USB1: variants seen among roughly 807,000 people sequenced by gnomAD.
The protein encoded by USB1 is U6 snRNA biogenesis phosphodiesterase 1.
USB1 carries 21 observed loss-of-function variants against 29.9 expected under a neutral mutation model. That is an observed-to-expected ratio of 0.70 (90% confidence interval 0.50 to 1.01). The LOEUF is 1.01. Among genes scored for constraint, USB1 ranks in the 50% least tolerant of loss-of-function variants. The probability of loss-of-function intolerance (pLI) is 0.00; values close to 1 mark genes in which losing one functional copy is unlikely to be tolerated. For missense variants in USB1, 330 were observed against 347.1 expected, an observed-to-expected ratio of 0.95 and a Z score of 0.39; for synonymous variants, 143 against 134.9, an observed-to-expected ratio of 1.06 and a Z score of -0.42.
In USB1 at chr16:58,013,250, C is replaced by G; in HGVS notation, c.450-1023C>G. The stretch of plus-strand genomic sequence containing the variant: ...AGGAGTTTTGGTTGGGCACAGACAT[C>G]CAGTGTCCACTCCAGGATGTTTGGG... On this transcript the variant is annotated intron_variant, in intron 3 of 6. Coordinates refer to ENST00000219281, the MANE Select transcript of USB1 (RefSeq NM_024598.4). This position sits in a 1 kb window ranked among gnomAD's most constrained non-coding sequence, Gnocchi z 4.3. 1 of 985,444 alleles carries G rather than the reference C, an allele frequency of 1.0e-6. No individual in the cohort carries two copies. The allele number at this position is 985,444 out of a possible 1,614,324, so 61.0% of individuals were successfully genotyped here. A position where few individuals can be genotyped will look rare whatever the true frequency, so the allele number is the denominator to read the frequency against.
At chr16:58,009,064 T>C (rs1847619706) in intron 2 of USB1, among the ~76,000 whole-genome samples, 2 of 152,362 alleles carry the variant, frequency 1.3e-5, no homozygotes, top group South Asian at 4.1e-4. Context: ...TTACTATTTT[T>C]CTTCAGATTG....
At chr16:58,017,222 T>G in intron 4 of USB1, 112 bp from the exon 5 acceptor site, 1 of 903,982 alleles carries the variant, frequency 1.1e-6, no homozygotes, top group Non-Finnish European at 1.9e-6. Context: ...AGGGAGACGG[T>G]GAGACCCACG....
chr16:58,009,586 G>A (rs922478288), intron 2 of USB1, among the ~76,000 whole-genome samples: 3 of 151,688 alleles, frequency 2.0e-5, no homozygotes, highest in African/African-American at 4.8e-5. Context: ...TTATCCAGGC[G>A]TGGTGGCGGG....
chr16:58,004,491 G>A (rs990118660), intron 2 of USB1, among the ~76,000 whole-genome samples: 3 of 152,064 alleles, frequency 2.0e-5, no homozygotes, highest in Non-Finnish European at 2.9e-5. Flanking sequence ...TATTGCCCAA[G>A]CTGGTCTTGA....
At chr16:58,009,886 T>C (rs1157870796) in intron 2 of USB1, 43 bp from the exon 3 acceptor site, 16 of 1,611,952 alleles carry the variant, frequency 9.9e-6, no homozygotes, top group Admixed American at 3.3e-5. Context: ...CCATGGCACC[T>C]TGGCTGAGAG....
At chr16:58,009,594 G>A (rs899928460) in intron 2 of USB1, among the ~76,000 whole-genome samples, 5 of 151,602 alleles carry the variant, frequency 3.3e-5, no homozygotes, top group South Asian at 2.1e-4. Flanking sequence ...GCGTGGTGGC[G>A]GGCGCCCGTA....
intron 3 of USB1, chr16:58,010,670 A>G: frequency 3.6e-6 from 1 of 280,400 alleles, no homozygotes; most frequent in Non-Finnish European, 6.8e-6. Context: ...GAATTCAGGC[A>G]AACAGTCCAC....
Position 58,013,604 on chromosome 16 carries a change from G to C in USB1, c.450-669G>C. 1 of 158,264 alleles carries C rather than the reference G, an allele frequency of 6.3e-6. No homozygotes were observed. Among genetic ancestry groups the C allele is most frequent in the Non-Finnish European group, 1.2e-5 (1 of 80,216 alleles). The allele number at this position is 158,264 out of a possible 1,614,324, so 9.8% of individuals were successfully genotyped here. A position where few individuals can be genotyped will look rare whatever the true frequency, so the allele number is the denominator to read the frequency against. ...TCTTCCCGTGTTATTGATCTGAGGG[G>C]TGGGTGGGTGGGGGCATCTGTCTCG... is the stretch of plus-strand genomic sequence containing the variant. On this transcript the variant is annotated intron_variant, in intron 3 of 6. Coordinates refer to ENST00000219281, the MANE Select transcript of USB1 (RefSeq NM_024598.4). The surrounding 1 kb of genome is among the most constrained non-coding windows in gnomAD (Gnocchi z 4.3).
At chr16:58,004,190 T>G (rs990350395) in intron 2 of USB1, among the ~76,000 whole-genome samples, 1 of 152,334 alleles carries the variant, frequency 6.6e-6, no homozygotes, top group East Asian at 1.9e-4. Context: ...TCCAGCACCA[T>G]TGGTTGAAAA....
upstream of USB1, chr16:57,999,794 T>G (rs747993165): frequency 2.0e-5 from 3 of 152,356 alleles, no homozygotes; most frequent in Non-Finnish European, 4.4e-5. Context: ...CAGGTACCAC[T>G]CTAAGCCTTC....
At chr16:58,002,419 T>C (rs2142290806) in intron 1 of USB1, 60 bp from the exon 2 acceptor site, 1 of 1,606,826 alleles carries the variant, frequency 6.2e-7, no homozygotes, top group Non-Finnish European at 8.5e-7. Context: ...TTGTGGTATA[T>C]ACAAAGGTAG....
intron 6 of USB1, among the ~76,000 whole-genome samples, chr16:58,019,599 C>G (rs766677686): frequency 6.6e-6 from 1 of 151,740 alleles, no homozygotes; most frequent in Non-Finnish European, 1.5e-5. Flanking sequence ...GGCTGATACT[C>G]CAGCCCTGGT....
Position 58,019,001 on chromosome 16 carries a change from G to C in USB1, c.639G>C (p.Trp213Cys), listed in dbSNP as rs750851175. 7 of 1,614,074 alleles carry C rather than the reference G, an allele frequency of 4.3e-6. No homozygotes were observed. The Admixed American group carries it at 1.2e-4, about 27-fold the overall frequency. Reference protein sequence around the residue: ...QDPSFHLSLAWCVGDARLQLE... With the variant: ...QDPSFHLSLACCVGDARLQLE... ...CTTCTTTCCACCTCAGCCTGGCCTG[G>C]TGTGTGGGTGATGCACGTCTCCAGC... Residue 213 changes from tryptophan to cysteine, a missense_variant, in exon 6 of 7, where the codon TGG (tryptophan) becomes TGC (cysteine). Coordinates refer to ENST00000219281, the MANE Select transcript of USB1 (RefSeq NM_024598.4).
chr16:58,019,119 A>T, intron 6 of USB1, 64 bp downstream of exon 6: 1 of 1,556,470 alleles, frequency 6.4e-7, no homozygotes, highest in Non-Finnish European at 8.8e-7. Context: ...CAGATGCTGG[A>T]GAGGGGGAGG....
At chr16:58,007,994 A>G (rs953886945) in intron 2 of USB1, among the ~76,000 whole-genome samples, 2 of 152,102 alleles carry the variant, frequency 1.3e-5, no homozygotes, top group African/African-American at 4.8e-5. Flanking sequence ...AAAAAAAAAT[A>G]ATAATAATTC....
intron 2 of USB1, among the ~76,000 whole-genome samples, chr16:58,005,392 T>C (rs8046565): frequency 0.81 from 122,577 of 152,042 alleles, 50,227 homozygotes; most frequent in African/African-American, 0.93. Flanking sequence ...CACTTGGCAA[T>C]GGGCATCTTC....
chr16:58,010,873 T>C (rs1324244719), intron 3 of USB1: 1 of 638,790 alleles, frequency 1.6e-6, no homozygotes, highest in Non-Finnish European at 2.8e-6. Context: ...TCAAACCCTG[T>C]AGTTCCAAAT....
At chr16:58,010,387 T>C (rs1963465692) in intron 3 of USB1, among the ~76,000 whole-genome samples, 1 of 151,368 alleles carries the variant, frequency 6.6e-6, no homozygotes. Flanking sequence ...TGTGACCAGA[T>C]GTGTTGAGTT....
chr16:58,019,142 A>C, intron 6 of USB1, 87 bp downstream of exon 6: 1 of 1,340,020 alleles, frequency 7.5e-7, no homozygotes, highest in Non-Finnish European at 1.1e-6. Context: ...GAGGCACCCA[A>C]ACCTGAATCC....
Sources: gnomAD v4.1 joint callset for allele counts (sites outside exome capture counted in the v4.1 genomes callset) on GRCh38, gnomAD v4.1.1 for gene constraint, Gnocchi (gnomAD v3.1) non-coding constraint, MANE v1.5 for transcripts, NCBI Gene and HGNC (gene_info 2026-07-23, HGNC 2026-07-21) for gene names.